Variants in DAB1 observed in about 807,000 individuals in gnomAD.
The protein encoded by DAB1 is disabled homolog 1.
A neutral mutation model predicts 64.6 loss-of-function variants in DAB1; 15 were observed. The observed-to-expected ratio is 0.23, with a 90% CI of 0.16 to 0.36. DAB1 has a LOEUF of 0.36. DAB1 is among the 10% of genes least tolerant of loss of function. The probability of loss-of-function intolerance (pLI) is 1.00; values close to 1 mark genes in which losing one functional copy is unlikely to be tolerated. For missense variants in DAB1, 596 were observed against 706.7 expected (o/e 0.84, Z 1.78); for synonymous variants, 235 against 251.9 (o/e 0.93, Z 0.64).
At chr1:57,025,747 G>T (rs1384709502) in intron 10 of DAB1, among the ~76,000 whole-genome samples, 1 of 152,200 alleles carries the variant, frequency 6.6e-6, no homozygotes, top group Non-Finnish European at 1.5e-5. Flanking sequence ...CTAAATGCAT[G>T]GTCTCGTTTA....
intron 5 of DAB1, among the ~76,000 whole-genome samples, chr1:57,961,079 C>T (rs992487264): frequency 1.3e-5 from 2 of 152,134 alleles, no homozygotes; most frequent in Non-Finnish European, 2.9e-5. Flanking sequence ...GAGTTCTTCA[C>T]CTTGTTGCAA....
At chr1:57,224,680 T>C (rs1667126335) in intron 2 of DAB1, among the ~76,000 whole-genome samples, 2 of 152,236 alleles carry the variant, frequency 1.3e-5, no homozygotes, top group African/African-American at 4.8e-5. Context: ...GGCATAATTT[T>C]AAGAAATTTG....
chr1:58,126,125 C>T (rs2100682626), intron 5 of DAB1, among the ~76,000 whole-genome samples: 1 of 152,306 alleles, frequency 6.6e-6, no homozygotes, highest in Middle Eastern at 3.4e-3. Context: ...AGAATAAAAT[C>T]AGTCTGACCT....
chr1:58,545,642 G>A (rs922859565), intron 1 of DAB1, among the ~76,000 whole-genome samples: 2 of 152,156 alleles, frequency 1.3e-5, no homozygotes, highest in Non-Finnish European at 2.9e-5. Flanking sequence ...TAGCCTCTAC[G>A]AACATTTCAG....
intron 1 of DAB1, among the ~76,000 whole-genome samples, chr1:57,872,936 G>A (rs1231267324): frequency 1.3e-5 from 2 of 152,266 alleles, no homozygotes; most frequent in Admixed American, 6.5e-5. Flanking sequence ...TTTCCAATGA[G>A]TAAACACTTT....
intron 5 of DAB1, among the ~76,000 whole-genome samples, chr1:58,081,013 C>T (rs1165409170): frequency 6.6e-6 from 1 of 152,192 alleles, no homozygotes; most frequent in African/African-American, 2.4e-5. Flanking sequence ...CTGCTCAGCT[C>T]CAAAGCCTAT....
At chr1:58,095,115 G>T (rs1217401618) in intron 5 of DAB1, among the ~76,000 whole-genome samples, 1 of 152,178 alleles carries the variant, frequency 6.6e-6, no homozygotes, top group Non-Finnish European at 1.5e-5. Context: ...GCTCTCGACT[G>T]TAAGTTGTCT....
At chr1:57,728,657 G>C (rs1328979407) in intron 6 of DAB1, among the ~76,000 whole-genome samples, 1 of 152,022 alleles carries the variant, frequency 6.6e-6, no homozygotes, top group Non-Finnish European at 1.5e-5. Context: ...TGGGGTGTGA[G>C]GAGGTGGTGG....
At chr1:57,863,724 G>T (rs1461752541) in intron 1 of DAB1, among the ~76,000 whole-genome samples, 1 of 151,996 alleles carries the variant, frequency 6.6e-6, no homozygotes, top group Non-Finnish European at 1.5e-5. Context: ...AGGTGGAGTG[G>T]GTAGCATTTA....
At chr1:57,251,315 G>A (rs1158200117) in intron 2 of DAB1, among the ~76,000 whole-genome samples, 1 of 152,204 alleles carries the variant, frequency 6.6e-6, no homozygotes, top group Non-Finnish European at 1.5e-5. Flanking sequence ...TGAAAACCCA[G>A]TCATTATGTT....
intron 7 of DAB1, among the ~76,000 whole-genome samples, chr1:57,522,748 A>G (rs890029135): frequency 6.6e-6 from 1 of 152,176 alleles, no homozygotes; most frequent in Non-Finnish European, 1.5e-5. Context: ...AGACTGGGAG[A>G]GGCAGACCCA....
chr1:58,387,398 G>A (rs1345470431), intron 3 of DAB1, among the ~76,000 whole-genome samples: 1 of 152,230 alleles, frequency 6.6e-6, no homozygotes, highest in African/African-American at 2.4e-5. Context: ...CTTTTTCATG[G>A]GGGAAGGGGA....
intron 7 of DAB1, among the ~76,000 whole-genome samples, chr1:57,631,792 C>A (rs1645992324): frequency 6.6e-6 from 1 of 152,194 alleles, no homozygotes; most frequent in South Asian, 2.1e-4. Flanking sequence ...ACCTGACATT[C>A]AGCAGGGAAA....
At chr1:58,460,139 G>C (rs1381310514) in intron 3 of DAB1, among the ~76,000 whole-genome samples, 2 of 152,218 alleles carry the variant, frequency 1.3e-5, no homozygotes, top group Non-Finnish European at 2.9e-5. Context: ...CCTTTGAGCA[G>C]AGAGCATGGA....
intron 5 of DAB1, among the ~76,000 whole-genome samples, chr1:58,026,786 G>A (rs1448797113): frequency 6.6e-6 from 1 of 152,214 alleles, no homozygotes; most frequent in Non-Finnish European, 1.5e-5. Context: ...GGAGATTTGT[G>A]TATATGCTCT....
chr1:57,331,330 A>G (rs901864035), intron 1 of DAB1, among the ~76,000 whole-genome samples: 1 of 152,188 alleles, frequency 6.6e-6, no homozygotes, highest in Non-Finnish European at 1.5e-5. Context: ...ACCTTATTAA[A>G]TACTCTTATT....
intron 1 of DAB1, among the ~76,000 whole-genome samples, chr1:57,377,113 T>C (rs1044804465): frequency 2.6e-5 from 4 of 151,782 alleles, no homozygotes; most frequent in Non-Finnish European, 4.4e-5. Context: ...CTACTAAAAA[T>C]ACAAAAATTA....
chr1:57,217,543 T>C (rs1489267708), intron 2 of DAB1, among the ~76,000 whole-genome samples: 1 of 152,082 alleles, frequency 6.6e-6, no homozygotes, highest in Non-Finnish European at 1.5e-5. Flanking sequence ...AGCTTATCAC[T>C]GAAACACATC....
At chr1:57,436,112 G>T (rs34466714) in intron 7 of DAB1, among the ~76,000 whole-genome samples, 29,520 of 151,620 alleles carry the variant, frequency 0.19, 3,035 homozygotes, top group African/African-American at 0.26. Context: ...AGACGGGGTT[G>T]CACCGTATTA....
Sources: gnomAD v4.1 joint callset for allele counts (sites outside exome capture counted in the v4.1 genomes callset) on GRCh38, gnomAD v4.1.1 for gene constraint, MANE v1.5 for transcripts, NCBI Gene and HGNC (gene_info 2026-07-23, HGNC 2026-07-21) for gene names.